Variants in GABRR1 observed in about 807,000 individuals in gnomAD.
GABRR1 encodes the protein gamma-aminobutyric acid receptor subunit rho-1.
In GABRR1, 59 loss-of-function variants were observed where a neutral mutation model predicts 55.5. The ratio of observed to expected loss-of-function variants is 1.06; its 90% CI spans 0.86 to 1.32. The LOEUF (loss-of-function observed/expected upper bound fraction) is 1.32. GABRR1 is among the 40% of genes most tolerant of loss of function. The pLI, the probability that GABRR1 is intolerant of heterozygous loss-of-function variation, is 0.00. For missense variants in GABRR1, 602 were observed against 619.1 expected (o/e 0.97, Z 0.29); for synonymous variants, 213 against 226.0 (o/e 0.94, Z 0.51).
chr6:89,202,043 G>A (rs1001788468), intron 2 of GABRR1, among the ~76,000 whole-genome samples: 2 of 152,122 alleles, frequency 1.3e-5, no homozygotes, highest in African/African-American at 4.8e-5. Context: ...GCCCACTGTG[G>A]AGGGAGCGGG....
chr6:89,208,803 T>G (rs973355950), intron 1 of GABRR1, among the ~76,000 whole-genome samples: 1 of 152,226 alleles, frequency 6.6e-6, no homozygotes, highest in Non-Finnish European at 1.5e-5. Context: ...TCTCTTCCTC[T>G]GGAGACCCCT....
At chr6:89,201,380 T>A in intron 2 of GABRR1, 115 bp from the exon 3 acceptor site, 1 of 681,530 alleles carries the variant, frequency 1.5e-6, no homozygotes, top group Non-Finnish European at 2.6e-6. Context: ...TTTCTTCTTT[T>A]AAGCTATTGG....
chr6:89,207,726 AC>A (rs1772696932), intron 1 of GABRR1, among the ~76,000 whole-genome samples: 1 of 152,214 alleles, frequency 6.6e-6, no homozygotes, highest in South Asian at 2.1e-4. Flanking sequence ...CACAGAGCAG[AC>A]CAATTAAATC....
chr6:89,214,431 G>A (rs1448673414), intron 1 of GABRR1, among the ~76,000 whole-genome samples: 3 of 151,716 alleles, frequency 2.0e-5, no homozygotes, highest in African/African-American at 7.3e-5. Context: ...CTTCTGCACA[G>A]CAGAATAAAT....
upstream of GABRR1, among the ~76,000 whole-genome samples, chr6:89,221,816 C>T (rs1271420708): frequency 2.0e-5 from 3 of 152,146 alleles, no homozygotes; most frequent in African/African-American, 7.2e-5. Context: ...AACAATGACC[C>T]GAAGAGCCAT....
chr6:89,223,047 AT>A lies in GABRR1; in HGVS notation c.-410-1602del, dbSNP rs1383673077. Among the ~76,000 whole-genome samples the A allele has an allele frequency of 6.3e-3, 944 of 148,930 alleles. 10 individuals carry two copies. The highest frequency in any genetic ancestry group is 0.021 in the African/African-American group (874 of 40,838). On this transcript the variant is annotated intron_variant, in intron 1 of 11. Transcript: ENST00000369451. Reference sequence around the variant, plus strand: ...GGTAGAAATCAATGTCCTTGTCTAGATTTTTTTTTTTAATTTCCATAGGTTT... The same window carrying A: ...GGTAGAAATCAATGTCCTTGTCTAGATTTTTTTTTTAATTTCCATAGGTTT...
chr6:89,179,184 G>A, intron 9 of GABRR1, 121 bp from the exon 10 acceptor site: 1 of 985,088 alleles, frequency 1.0e-6, no homozygotes, highest in South Asian at 1.7e-5. Flanking sequence ...TGGGAAGAGG[G>A]TAGGTATCCT....
intron 4 of GABRR1, 88 bp from the exon 5 acceptor site, chr6:89,198,331 G>T (rs1486725463): frequency 3.0e-6 from 3 of 1,011,878 alleles, no homozygotes; most frequent in East Asian, 2.4e-5. Flanking sequence ...GCCATCACTT[G>T]GCTGGGGAAT....
chr6:89,222,317 C>A (rs1773126594), upstream of GABRR1, among the ~76,000 whole-genome samples: 1 of 152,210 alleles, frequency 6.6e-6, no homozygotes, highest in Non-Finnish European at 1.5e-5. Flanking sequence ...AATTTTTCTT[C>A]CCATCCCAAG....
chr6:89,210,027 G>T (rs779812467), intron 1 of GABRR1, among the ~76,000 whole-genome samples: 15 of 152,000 alleles, frequency 9.9e-5, no homozygotes, highest in Non-Finnish European at 2.1e-4. Context: ...ATGGCGAGAG[G>T]AAAGCACCAG....
intron 3 of GABRR1, 119 bp downstream of exon 3, chr6:89,201,040 G>C: frequency 1.4e-6 from 1 of 721,926 alleles, no homozygotes; most frequent in Non-Finnish European, 2.4e-6. Context: ...TGTCCACCAA[G>C]CACAACTGAG....
Position 89,229,253 on chromosome 6 carries a change from G to C in GABRR1, c.-411+1963C>G, listed in dbSNP as rs975194265. ...TGTGTCTTTTAATTGGAGCATTTAGGCCATTTACATTTAAAGTTAATATTG... is the reference window on the plus strand; with the variant it reads ...TGTGTCTTTTAATTGGAGCATTTAGCCCATTTACATTTAAAGTTAATATTG... On this transcript the variant is annotated intron_variant, in intron 1 of 11. Transcript: ENST00000369451. Among the ~76,000 whole-genome samples the C allele has an allele frequency of 2.6e-5, 4 of 151,390 alleles. No homozygotes were observed. In the South Asian group the frequency reaches 6.3e-4, roughly 24 times the overall value.
intron 1 of GABRR1, among the ~76,000 whole-genome samples, chr6:89,226,154 T>C (rs1018324959): frequency 2.0e-5 from 3 of 151,998 alleles, no homozygotes; most frequent in Non-Finnish European, 1.5e-5. Context: ...CATTGTAGAT[T>C]CTGGATATTA....
In GABRR1 at chr6:89,178,735, C is replaced by A; in HGVS notation, c.*35G>T. 1 of 1,552,942 alleles carries A rather than the reference C, an allele frequency of 6.4e-7. No homozygotes were observed. The highest frequency in any genetic ancestry group is 8.9e-7 in the Non-Finnish European group (1 of 1,125,918). ...TATACAGTTATTTCTGTAGTGCATG[C>A]CATGGAAATGTGAAATTTGTAGAAT... On this transcript the variant is annotated 3_prime_UTR_variant, in exon 10 of 10. Transcript: ENST00000454853.
At position 89,196,880 on chromosome 6, in the gene GABRR1, AG is replaced by A. The variant is rs1251365764; in HGVS notation, c.572+1139del. The stretch of plus-strand genomic sequence containing the variant: ...GAAAGAAAGAAAGAAAGAAAGAAAG[AG>A]AAGAGAAGAAAAAAGAAAAGAAAAT... On this transcript the variant is annotated intron_variant, in intron 5 of 9. Coordinates refer to ENST00000454853, the MANE Select transcript of GABRR1 (RefSeq NM_002042.5). Among the ~76,000 whole-genome samples, 146 of 133,632 alleles carry A rather than the reference AG, an allele frequency of 1.1e-3. 1 individual carries two copies. Among genetic ancestry groups the A allele is most frequent in the South Asian group, 9.1e-3 (38 of 4,196 alleles). 87.7% of individuals were successfully genotyped at this position (133,632 alleles called of 152,430 possible). A position where few individuals can be genotyped will look rare whatever the true frequency, so the allele number is the denominator to read the frequency against.
rs778457333 is a variant in GABRR1, at chr6:89,181,953, C to T, written c.901G>A (p.Val301Met). ...GCTCTGCGGTCGATCCAGAAGGACA[C>T]CCAGGACAGCATGACCATCAGGGTA... Reference protein sequence around the residue: ...PATLMVMLSWVSFWIDRRAVP... With the variant: ...PATLMVMLSWMSFWIDRRAVP... Residue 301 changes from valine to methionine, a missense_variant, in exon 8 of 10, where the codon GTG (valine) becomes ATG (methionine). Physicochemically the swap from Val to Met is conservative, Grantham distance 21. Coordinates refer to ENST00000454853, the MANE Select transcript of GABRR1 (RefSeq NM_002042.5). The T allele has an allele frequency of 3.7e-6, 6 of 1,614,014 alleles. No homozygotes were observed. Among genetic ancestry groups the T allele is most frequent in the Middle Eastern group, 1.6e-4 (1 of 6,062 alleles).
upstream of GABRR1, among the ~76,000 whole-genome samples, chr6:89,218,738 G>T (rs752582128): frequency 6.6e-6 from 1 of 152,206 alleles, no homozygotes; most frequent in Non-Finnish European, 1.5e-5. Context: ...AAGGAATAAA[G>T]GTTGGCTGTA....
At chr6:89,200,966 C>CTG (rs11474618) in intron 3 of GABRR1, among the ~76,000 whole-genome samples, 193 bp downstream of exon 3, 138,125 of 152,008 alleles carry the variant, frequency 0.91, 63,111 homozygotes, top group East Asian at 0.98. Flanking sequence ...CTTCCTGAGA[C>CTG]TGTTCAGCAG....
chr6:89,208,196 T>G (rs961054779), intron 1 of GABRR1, among the ~76,000 whole-genome samples: 2 of 152,244 alleles, frequency 1.3e-5, no homozygotes, highest in African/African-American at 4.8e-5. Context: ...TGTTTAACTT[T>G]CATTAATTTA....
Sources: gnomAD v4.1 joint callset for allele counts (sites outside exome capture counted in the v4.1 genomes callset) on GRCh38, gnomAD v4.1.1 for gene constraint, MANE v1.5 for transcripts, NCBI Gene and HGNC (gene_info 2026-07-23, HGNC 2026-07-21) for gene names.